Variants in MGA observed in about 807,000 individuals in gnomAD.
MGA encodes MAX dimerization protein MGA, also known as MAX gene-associated protein.
Under a neutral mutation model 261.1 loss-of-function variants are expected in MGA, and 40 were observed. The ratio of observed to expected loss-of-function variants is 0.15; its 90% CI spans 0.12 to 0.20. The LOEUF (loss-of-function observed/expected upper bound fraction) is 0.20, where lower values mean the gene tolerates loss of function less well. Among genes scored for constraint, MGA ranks in the 10% least tolerant of loss-of-function variants. MGA has a pLI of 1.00. For synonymous variants in MGA, 1,302 were observed against 1,290.6 expected (o/e 1.01, Z -0.19); for missense variants, 3,397 against 3,630.5 (o/e 0.94, Z 1.65).
intron 22 of MGA, 99 bp downstream of exon 22, chr15:41,762,461 G>GTGTTTTTTTTTTTT (rs2063523391): frequency 8.0e-6 from 1 of 125,094 alleles, no homozygotes; most frequent in African/African-American, 6.6e-5. Context: ...GTTTTGTGTG[G>GTGTTTTTTTTTTTT]TTTTTTTTTT....
chr15:41,664,490 T>C (rs1269363397), intron 1 of MGA, among the ~76,000 whole-genome samples: 1 of 152,220 alleles, frequency 6.6e-6, no homozygotes, highest in East Asian at 1.9e-4. Context: ...TATAGAAAGA[T>C]GTTTAATAAA....
chr15:41,696,320 A>C lies in MGA; in HGVS notation c.1310A>C (p.Glu437Ala), dbSNP rs373669386. Residue 437 changes from glutamate to alanine, a missense_variant, in exon 3 of 24, where the codon GAA becomes GCA. This residue lies in a region of MGA where 563 missense variants were observed against 563.6 expected (regional missense o/e 1.00). Transcript: ENST00000219905. The stretch of plus-strand genomic sequence containing the variant: ...AGGCACAATAAAGTTGACAACCCAG[A>C]AGCTGACCATCTATCTTCTAAATGG... 16 of 1,613,824 alleles carry C rather than the reference A, an allele frequency of 9.9e-6. No homozygotes were observed. The highest frequency in any genetic ancestry group is 1.4e-5 in the Non-Finnish European group (16 of 1,179,898).
At chr15:41,738,570 C>T (rs1035355080) in intron 13 of MGA, among the ~76,000 whole-genome samples, 2 of 152,216 alleles carry the variant, frequency 1.3e-5, no homozygotes, top group South Asian at 4.1e-4. Context: ...CAGAGGTTTG[C>T]CTGATACAAT....
At chr15:41,729,736 G>A (rs1485812905) in intron 11 of MGA, among the ~76,000 whole-genome samples, 1 of 152,096 alleles carries the variant, frequency 6.6e-6, no homozygotes, top group Non-Finnish European at 1.5e-5. Flanking sequence ...GCTGAGGAAC[G>A]AGAATTACTT....
intron 5 of MGA, 94 bp from the exon 6 acceptor site, chr15:41,707,634 C>A (rs1323541668): frequency 5.8e-6 from 7 of 1,202,610 alleles, no homozygotes; most frequent in South Asian, 1.6e-5. Flanking sequence ...ACCTTACCCC[C>A]CCGCCATCTC....
intron 3 of MGA, among the ~76,000 whole-genome samples, chr15:41,697,309 T>A (rs2059591854): frequency 6.6e-6 from 1 of 152,206 alleles, no homozygotes; most frequent in African/African-American, 2.4e-5. Flanking sequence ...CTTACTGGAA[T>A]TTTCATCATT....
chr15:41,735,728 G>A (rs2061742144), intron 12 of MGA, among the ~76,000 whole-genome samples: 1 of 147,930 alleles, frequency 6.8e-6, no homozygotes. Context: ...GCTAGACTCC[G>A]TCTCAAAAAA....
At chr15:41,761,358 C>T (rs567396219) in intron 20 of MGA, among the ~76,000 whole-genome samples, 1 of 152,304 alleles carries the variant, frequency 6.6e-6, no homozygotes, top group Non-Finnish European at 1.5e-5. Context: ...TGGAGGAGTA[C>T]AGGATAAGCA....
intron 17 of MGA, chr15:41,751,851 CCTT>C (rs937559203): frequency 3.9e-5 from 6 of 152,234 alleles, no homozygotes; most frequent in Admixed American, 3.3e-4. Context: ...TAAACTGTGT[CCTT>C]CTTTTCAGGA....
intron 1 of MGA, among the ~76,000 whole-genome samples, chr15:41,626,053 A>T (rs2056442545): frequency 6.6e-6 from 1 of 152,222 alleles, no homozygotes; most frequent in Non-Finnish European, 1.5e-5. Flanking sequence ...TTTATAAATT[A>T]AACTTTATTA....
At chr15:41,753,035 T>G (rs1245991752) in intron 17 of MGA, among the ~76,000 whole-genome samples, 1 of 152,228 alleles carries the variant, frequency 6.6e-6, no homozygotes, top group African/African-American at 2.4e-5. Flanking sequence ...ATGATTAGCA[T>G]TGGAATACTG....
intron 1 of MGA, among the ~76,000 whole-genome samples, chr15:41,654,045 C>T (rs750130490): frequency 3.3e-5 from 5 of 150,380 alleles, no homozygotes; most frequent in Non-Finnish European, 7.4e-5. Flanking sequence ...GGCTGTCCTT[C>T]GGTCTCAACT....
intron 11 of MGA, among the ~76,000 whole-genome samples, chr15:41,731,352 A>G (rs1002667634): frequency 6.6e-5 from 10 of 152,110 alleles, no homozygotes; most frequent in African/African-American, 1.9e-4. Flanking sequence ...CTATGTATCT[A>G]TGCAGAGAAA....
At chr15:41,764,168 T>TA (rs559657452) in intron 22 of MGA, among the ~76,000 whole-genome samples, 194 of 144,618 alleles carry the variant, frequency 1.3e-3, no homozygotes, top group African/African-American at 2.9e-3. Flanking sequence ...CAAAAAAAAT[T>TA]AAAAAAAAAA....
At chr15:41,746,460 G>A (rs979788370) in intron 15 of MGA, among the ~76,000 whole-genome samples, 1 of 148,078 alleles carries the variant, frequency 6.8e-6, no homozygotes, top group African/African-American at 2.5e-5. Flanking sequence ...CAGGAGAATC[G>A]CTTGAACCCG....
rs775510278 is a variant in MGA, at chr15:41,707,832, C to T, written c.2293C>T (p.Leu765Phe). ...AGCTACTAGCTTTCCTTTTTGGAACCTTACAGGAACCAACCCTGCCTCTCC... is the reference window on the plus strand; with the variant it reads ...AGCTACTAGCTTTCCTTTTTGGAACTTTACAGGAACCAACCCTGCCTCTCC... Residue 765 changes from leucine (L) to phenylalanine (F), a missense_variant, in exon 6 of 24, where the codon CTT (leucine) becomes TTT (phenylalanine). Leu to Phe is a conservative substitution (Grantham distance 22). Coordinates refer to ENST00000219905, the MANE Select transcript of MGA (RefSeq NM_001164273.2). The T allele has an allele frequency of 1.9e-6, 3 of 1,613,744 alleles. No homozygotes were observed. Among genetic ancestry groups the T allele is most frequent in the Non-Finnish European group, 2.5e-6 (3 of 1,179,790 alleles).
chr15:41,706,230 C>T (rs1305631970), intron 5 of MGA, among the ~76,000 whole-genome samples: 1 of 114,126 alleles, frequency 8.8e-6, no homozygotes, highest in Non-Finnish European at 1.9e-5. Context: ...GAGTGAGACT[C>T]CATCTCAAAA....
Position 41,748,750 on chromosome 15 carries a change from C to T in MGA, c.5326C>T (p.Pro1776Ser), listed in dbSNP as rs977494087. ...GCAGCAGGGTTCTCCTACTCTTAGA[C>T]CTGTCTCAAACACACAACTTCAGGG... Residue 1776 changes from proline (P) to serine (S), a missense_variant, in exon 16 of 24, where the codon CCT (proline) becomes TCT (serine). Physicochemically the swap from Pro to Ser is moderately conservative, Grantham distance 74. Transcript: ENST00000219905. The T allele has an allele frequency of 6.2e-7, 1 of 1,613,822 alleles. No individual in the cohort carries two copies. The highest frequency in any genetic ancestry group is 1.3e-5 in the African/African-American group (1 of 74,892).
chr15:41,728,868 A>G (rs181322713), intron 10 of MGA, among the ~76,000 whole-genome samples: 4 of 152,316 alleles, frequency 2.6e-5, no homozygotes, highest in East Asian at 1.9e-4. Flanking sequence ...AATTTATTGT[A>G]TTTACTAAAG....
Sources: gnomAD v4.1 joint callset for allele counts (sites outside exome capture counted in the v4.1 genomes callset) on GRCh38, gnomAD v4.1.1 for gene constraint, gnomAD v4.1.1 regional missense constraint, MANE v1.5 for transcripts, NCBI Gene and HGNC (gene_info 2026-07-23, HGNC 2026-07-21) for gene names.